The following ARID1B variants were observed in gnomAD, a reference collection of about 807,000 sequenced individuals.
The protein encoded by ARID1B is AT-rich interactive domain-containing protein 1B.
Under a neutral mutation model 212.3 loss-of-function variants are expected in ARID1B, and 30 were observed. The observed-to-expected ratio is 0.14, with a 90% CI of 0.11 to 0.19. ARID1B has a LOEUF of 0.19. Ranked by LOEUF, ARID1B falls within the 10% of genes least tolerant of loss-of-function variation. ARID1B has a pLI of 1.00. For missense variants in ARID1B, 2,891 were observed against 3,204.0 expected (o/e 0.90, Z 2.36); for synonymous variants, 1,402 against 1,301.7 (o/e 1.08, Z -1.66).
rs578163595 is a variant in ARID1B at position 157,035,599 on chromosome 6, T to TA, written c.2248-49062dup. The stretch of plus-strand genomic sequence containing the variant: ...AAACAGAAATGCTGTCAGTGAAACT[T>TA]ACAATGATTTTTTCTACTATAATTG... On this transcript the variant is annotated intron_variant, in intron 4 of 19. Transcript: ENST00000636930. Among the ~76,000 whole-genome samples the TA allele has an allele frequency of 1.5e-4, 23 of 152,322 alleles. No individual in the cohort carries two copies. The South Asian group carries it at 4.8e-3, about 32-fold the overall frequency.
intron 2 of ARID1B, among the ~76,000 whole-genome samples, chr6:156,871,331 C>A (rs1786110780): frequency 6.6e-6 from 1 of 152,188 alleles, no homozygotes; most frequent in African/African-American, 2.4e-5. Context: ...GGAAGGCAGT[C>A]ATGGAATGCT....
At chr6:157,123,231 GC>G (rs1562637014) in intron 6 of ARID1B, among the ~76,000 whole-genome samples, 1 of 29,940 alleles carries the variant, frequency 3.3e-5, no homozygotes, top group Non-Finnish European at 6.6e-5. Flanking sequence ...TCTCCCCCCC[GC>G]CCCCCGCCCC....
intron 4 of ARID1B, among the ~76,000 whole-genome samples, chr6:156,966,610 G>A (rs892388275): frequency 2.0e-5 from 3 of 152,060 alleles, no homozygotes; most frequent in African/African-American, 7.2e-5. Flanking sequence ...GGCCACGCTG[G>A]TCTGGAACTC....
chr6:157,185,393 C>T (rs1017026900), intron 13 of ARID1B: 1 of 152,286 alleles, frequency 6.6e-6, no homozygotes, highest in African/African-American at 2.4e-5. Flanking sequence ...GCACCCACCG[C>T]TCCTGTACAC....
intron 1 of ARID1B, among the ~76,000 whole-genome samples, chr6:156,790,826 C>T (rs1265466721): frequency 1.3e-5 from 2 of 152,208 alleles, no homozygotes; most frequent in African/African-American, 4.8e-5. Context: ...GTCCTTCCTC[C>T]TCCACTCTGA....
At chr6:156,781,631 G>A (rs1318929291) in intron 1 of ARID1B, among the ~76,000 whole-genome samples, 1 of 152,012 alleles carries the variant, frequency 6.6e-6, no homozygotes, top group African/African-American at 2.4e-5. Flanking sequence ...CAGATCTTTA[G>A]TTATTGGAGT....
intron 4 of ARID1B, among the ~76,000 whole-genome samples, chr6:156,993,365 A>G (rs903153179): frequency 1.3e-5 from 2 of 152,202 alleles, no homozygotes; most frequent in Admixed American, 6.5e-5. Context: ...TGAGACCTAC[A>G]TTCTTATTGT....
chr6:157,015,906 C>T (rs939451104), intron 4 of ARID1B, among the ~76,000 whole-genome samples: 6 of 152,234 alleles, frequency 3.9e-5, no homozygotes, highest in Non-Finnish European at 8.8e-5. Flanking sequence ...AATCCTGCAT[C>T]TTCATTGCCT....
chr6:157,132,119 G>A (rs1043403937), intron 6 of ARID1B, among the ~76,000 whole-genome samples: 4 of 152,226 alleles, frequency 2.6e-5, no homozygotes, highest in Non-Finnish European at 5.9e-5. Flanking sequence ...CTGAGTGGTC[G>A]GTGGTACAGC....
At position 157,133,089 on chromosome 6, in the gene ARID1B, A is replaced by G. The variant is rs1340539852; in HGVS notation, c.2643A>G (p.Gly881=). 6.2e-7 allele frequency: 1 copy of G among 1,614,162 alleles called. No individual in the cohort carries two copies. Among genetic ancestry groups the G allele is most frequent in the Admixed American group, 1.7e-5 (1 of 60,014 alleles). ...CTCAGTATGGACCTCAACAGACAGGACCATCCATGTCGCCTCATCCTTCTC... is the reference window on the plus strand; with the variant it reads ...CTCAGTATGGACCTCAACAGACAGGGCCATCCATGTCGCCTCATCCTTCTC... ...QMAQYGPQQT[G]PSMSPHPSPG... Residue 881 remains glycine (G), a synonymous_variant, in exon 7 of 20, where the codon GGA becomes GGG. Coordinates refer to ENST00000636930, the MANE Select transcript of ARID1B (RefSeq NM_001374828.1).
At chr6:156,793,632 C>T (rs1046312763) in intron 1 of ARID1B, among the ~76,000 whole-genome samples, 7 of 152,118 alleles carry the variant, frequency 4.6e-5, no homozygotes, top group African/African-American at 7.2e-5. Flanking sequence ...CCACTGGGCC[C>T]GGCCTTGCAT....
chr6:157,176,170 T>TA (rs1359276180), intron 11 of ARID1B, among the ~76,000 whole-genome samples: 1 of 151,412 alleles, frequency 6.6e-6, no homozygotes, highest in African/African-American at 2.5e-5. Context: ...GAAAGGGCGA[T>TA]ATTCGCTCTT....
intron 1 of ARID1B, among the ~76,000 whole-genome samples, chr6:156,805,841 A>G (rs937647144): frequency 6.6e-6 from 1 of 151,944 alleles, no homozygotes; most frequent in Non-Finnish European, 1.5e-5. Context: ...ACAACCAGCT[A>G]ATTTTTAAAT....
chr6:157,075,711 G>A (rs986423898), intron 4 of ARID1B, among the ~76,000 whole-genome samples: 7 of 152,224 alleles, frequency 4.6e-5, no homozygotes, highest in Non-Finnish European at 4.4e-5. Context: ...CGTCCTCCCC[G>A]CTATGGTACG....
intron 4 of ARID1B, among the ~76,000 whole-genome samples, chr6:157,063,188 G>A (rs1783461000): frequency 6.6e-6 from 1 of 151,718 alleles, no homozygotes; most frequent in Admixed American, 6.6e-5. Context: ...AGAGAGGACA[G>A]TTTCCAGGAC....
intron 2 of ARID1B, among the ~76,000 whole-genome samples, chr6:156,876,691 T>G (rs571250941): frequency 1.6e-4 from 25 of 152,158 alleles, no homozygotes; most frequent in Non-Finnish European, 3.1e-4. Flanking sequence ...GTGTGCCCCG[T>G]CTTCATAGCC....
intron 1 of ARID1B, among the ~76,000 whole-genome samples, chr6:156,812,875 T>C (rs1323123209): frequency 9.7e-6 from 1 of 103,506 alleles, no homozygotes; most frequent in South Asian, 3.1e-4. Flanking sequence ...TGGTATGTTA[T>C]AAAAAAAAAA....
intron 1 of ARID1B, among the ~76,000 whole-genome samples, chr6:156,820,076 A>G (rs1782246422): frequency 6.6e-6 from 1 of 152,062 alleles, no homozygotes; most frequent in Non-Finnish European, 1.5e-5. Flanking sequence ...GGTCAGAGAG[A>G]GGCGGAGAGG....
intron 4 of ARID1B, among the ~76,000 whole-genome samples, chr6:157,063,132 T>C (rs890671725): frequency 1.3e-5 from 2 of 151,762 alleles, no homozygotes; most frequent in Non-Finnish European, 2.9e-5. Context: ...TTTTTTTTTT[T>C]CTTTTAAACA....
Sources: gnomAD v4.1 joint callset for allele counts (sites outside exome capture counted in the v4.1 genomes callset) on GRCh38, gnomAD v4.1.1 for gene constraint, MANE v1.5 for transcripts, NCBI Gene and HGNC (gene_info 2026-07-23, HGNC 2026-07-21) for gene names.